APBB2: variants seen among roughly 807,000 people sequenced by gnomAD.
APBB2 encodes the protein amyloid beta precursor protein binding family B member 2.
APBB2 carries 38 observed loss-of-function variants against 82.5 expected under a neutral mutation model. That is an observed-to-expected ratio of 0.46 (90% CI 0.36 to 0.60). APBB2 has a LOEUF of 0.60. Among genes scored for constraint, APBB2 ranks in the 20% least tolerant of loss-of-function variants. APBB2 has a pLI of 0.00. For missense variants in APBB2, 772 were observed against 972.3 expected (o/e 0.79, Z 2.74); for synonymous variants, 341 against 368.2 (o/e 0.93, Z 0.85).
chr4:40,824,340 AG>A (rs1749119646), intron 15 of APBB2, among the ~76,000 whole-genome samples: 1 of 152,048 alleles, frequency 6.6e-6, no homozygotes. Context: ...CCCATTGAGT[AG>A]GGCCCTTTTG....
chr4:40,881,751 C>G (rs1281552050), intron 12 of APBB2, among the ~76,000 whole-genome samples: 1 of 151,820 alleles, frequency 6.6e-6, no homozygotes, highest in African/African-American at 2.4e-5. Context: ...CCAGTCTGGT[C>G]TCAAACTCCT....
At chr4:40,854,279 C>T (rs891376300) in intron 12 of APBB2, among the ~76,000 whole-genome samples, 3 of 152,174 alleles carry the variant, frequency 2.0e-5, no homozygotes, top group Admixed American at 1.3e-4. Context: ...AACACAAGCT[C>T]TTTAAAAAGA....
chr4:41,137,765 T>G (rs1757981960), intron 2 of APBB2, among the ~76,000 whole-genome samples: 1 of 152,158 alleles, frequency 6.6e-6, no homozygotes, highest in South Asian at 2.1e-4. Flanking sequence ...TAGCCTTTTC[T>G]GCAAATGGTG....
chr4:40,891,219 A>G (rs190569712), intron 11 of APBB2, among the ~76,000 whole-genome samples: 65 of 152,346 alleles, frequency 4.3e-4, no homozygotes, highest in Non-Finnish European at 8.1e-4. Context: ...GGGAACACCC[A>G]GGTTTCTCAA....
intron 6 of APBB2, among the ~76,000 whole-genome samples, chr4:40,982,387 G>GAAAGGA (rs57649213): frequency 4.5e-4 from 5 of 11,028 alleles, no homozygotes; most frequent in Admixed American, 1.3e-3. Flanking sequence ...AGGAAGGAAG[G>GAAAGGA]AAGGAAAGGA....
At chr4:41,022,965 T>C (rs1712301863) in intron 5 of APBB2, among the ~76,000 whole-genome samples, 1 of 152,216 alleles carries the variant, frequency 6.6e-6, no homozygotes, top group Non-Finnish European at 1.5e-5. Flanking sequence ...TCTCAGCTGT[T>C]ACCCCATGTA....
chr4:40,880,012 G>A, intron 12 of APBB2: 1 of 985,148 alleles, frequency 1.0e-6, no homozygotes, highest in Non-Finnish European at 1.2e-6. Context: ...AATATTTCAA[G>A]GAAATATTAC....
At chr4:41,098,975 A>T (rs1437482204) in intron 3 of APBB2, among the ~76,000 whole-genome samples, 1 of 152,222 alleles carries the variant, frequency 6.6e-6, no homozygotes, top group Admixed American at 6.5e-5. Flanking sequence ...TTCTTTTAAG[A>T]TTAACATGTG....
intron 2 of APBB2, among the ~76,000 whole-genome samples, chr4:41,139,572 ATAT>A (rs1251363298): frequency 2.6e-5 from 4 of 152,220 alleles, no homozygotes; most frequent in African/African-American, 9.6e-5. Flanking sequence ...ATATAATGGA[ATAT>A]TATTCAGTGC....
At chr4:40,963,413 T>C (rs547125775) in intron 6 of APBB2, among the ~76,000 whole-genome samples, 1 of 152,182 alleles carries the variant, frequency 6.6e-6, no homozygotes, top group African/African-American at 2.4e-5. Flanking sequence ...CACCCAACTA[T>C]GTTTTTTGAT....
chr4:41,162,084 A>G (rs1408777376), intron 1 of APBB2, among the ~76,000 whole-genome samples: 2 of 152,190 alleles, frequency 1.3e-5, no homozygotes, highest in Non-Finnish European at 2.9e-5. Context: ...TCTTAAAAAG[A>G]TAAAATTTTT....
At chr4:41,211,628 G>A (rs1417009881) in intron 1 of APBB2, among the ~76,000 whole-genome samples, 7 of 151,834 alleles carry the variant, frequency 4.6e-5, no homozygotes, top group Non-Finnish European at 8.8e-5. Context: ...GATTACAGGC[G>A]GGAGCCACCA....
At chr4:41,192,015 A>T (rs1237496822) in intron 1 of APBB2, among the ~76,000 whole-genome samples, 1 of 152,232 alleles carries the variant, frequency 6.6e-6, no homozygotes, top group Non-Finnish European at 1.5e-5. Flanking sequence ...AATGGCCAAC[A>T]GATATATGAA....
At chr4:40,824,477 G>A (rs1749168347) in intron 15 of APBB2, among the ~76,000 whole-genome samples, 2 of 152,080 alleles carry the variant, frequency 1.3e-5, no homozygotes, top group Admixed American at 1.3e-4. Flanking sequence ...TTCACAGAGC[G>A]CACCCATCAC....
chr4:41,085,799 CA>C (rs991099461), intron 3 of APBB2, among the ~76,000 whole-genome samples: 5 of 148,696 alleles, frequency 3.4e-5, no homozygotes, highest in African/African-American at 4.9e-5. Flanking sequence ...ACTACAAAAA[CA>C]AAAAAAAAGA....
intron 6 of APBB2, among the ~76,000 whole-genome samples, chr4:40,997,073 T>C (rs1021033444): frequency 1.3e-5 from 2 of 152,130 alleles, no homozygotes; most frequent in East Asian, 1.9e-4. Context: ...CCTATCATGA[T>C]TGCCTATCCA....
chr4:40,865,630 G>A (rs1457138196), intron 12 of APBB2, among the ~76,000 whole-genome samples: 1 of 152,108 alleles, frequency 6.6e-6, no homozygotes, highest in Non-Finnish European at 1.5e-5. Flanking sequence ...CCTTTTTATT[G>A]CTGAGAATTC....
intron 1 of APBB2, among the ~76,000 whole-genome samples, chr4:41,159,607 T>C (rs1370529892): frequency 6.6e-6 from 1 of 152,154 alleles, no homozygotes; most frequent in Non-Finnish European, 1.5e-5. Flanking sequence ...TATCCTATCT[T>C]GTTGATAAAA....
At chr4:41,121,055 T>A (rs1752656568) in intron 2 of APBB2, among the ~76,000 whole-genome samples, 1 of 152,228 alleles carries the variant, frequency 6.6e-6, no homozygotes, top group Non-Finnish European at 1.5e-5. Flanking sequence ...TACTTCTGTG[T>A]CTTCACAGTT....
Sources: gnomAD v4.1 joint callset for allele counts (sites outside exome capture counted in the v4.1 genomes callset) on GRCh38, gnomAD v4.1.1 for gene constraint, MANE v1.5 for transcripts, NCBI Gene and HGNC (gene_info 2026-07-23, HGNC 2026-07-21) for gene names.